The following EPS8 variants were observed in gnomAD, a reference collection of about 807,000 sequenced individuals.
The protein encoded by EPS8 is EGFR pathway substrate 8, signaling adaptor, also known as epidermal growth factor receptor kinase substrate 8.
EPS8 carries 42 observed loss-of-function variants against 103.8 expected under a neutral mutation model. The observed-to-expected ratio is 0.40, with a 90% CI of 0.32 to 0.52. The LOEUF (loss-of-function observed/expected upper bound fraction) is 0.52. Among genes scored for constraint, EPS8 ranks in the 20% least tolerant of loss-of-function variants. The pLI is 0.40. For synonymous variants in EPS8, 344 were observed against 344.6 expected (o/e 1.00, Z 0.02); for missense variants, 969 against 1,005.1 (o/e 0.96, Z 0.49).
At chr12:15,741,967 G>T (rs1361792811) in intron 1 of EPS8, among the ~76,000 whole-genome samples, 1 of 152,116 alleles carries the variant, frequency 6.6e-6, no homozygotes, top group Non-Finnish European at 1.5e-5. Flanking sequence ...TGCAGTGTTT[G>T]GTTTTCTGTC....
At chr12:15,635,235 A>G (rs958777468) in intron 17 of EPS8, among the ~76,000 whole-genome samples, 11 of 152,198 alleles carry the variant, frequency 7.2e-5, no homozygotes, top group African/African-American at 2.7e-4. Context: ...AATTATGTAC[A>G]TGTGCATGTC....
At chr12:15,763,771 G>C (rs148526637) in intron 1 of EPS8, among the ~76,000 whole-genome samples, 108 of 152,166 alleles carry the variant, frequency 7.1e-4, no homozygotes, top group African/African-American at 2.5e-3. Context: ...TTGTACTCTA[G>C]ACATCAAAAT....
rs1050054546 is a variant in EPS8 at position 15,667,547 on chromosome 12, A to T, written c.517-1025T>A. 6.4e-4 allele frequency among the ~76,000 whole-genome samples: 98 copies of T among 152,096 alleles called. 1 individual carries two copies. The highest frequency in any genetic ancestry group is 1.8e-4 in the Non-Finnish European group (12 of 68,004). Reference sequence around the variant, plus strand: ...GATATTTAATTAAAAATAATTATTTAAAAAAACCCAAAATGAAAACTGAAG... The same window carrying T: ...GATATTTAATTAAAAATAATTATTTTAAAAAACCCAAAATGAAAACTGAAG... On this transcript the variant is annotated intron_variant, in intron 6 of 20. Coordinates refer to ENST00000281172, the MANE Select transcript of EPS8 (RefSeq NM_004447.6).
In EPS8 at chr12:15,734,463, G is replaced by A. The variant is rs1451206585; in HGVS notation, c.-21-51491C>T. Among the ~76,000 whole-genome samples the A allele has an allele frequency of 6.6e-6, 1 of 152,134 alleles. No individual in the cohort carries two copies. Among genetic ancestry groups the A allele is most frequent in the Non-Finnish European group, 1.5e-5 (1 of 68,036 alleles). On this transcript the variant is annotated intron_variant, in intron 1 of 20. Transcript: ENST00000281172. The surrounding 1 kb of genome is among the most constrained non-coding windows in gnomAD (Gnocchi z 4.1). ...TAATCCCAGCACTTTGGGAGGCTGA[G>A]GCGGGTGGATCACGAGGTCAGGAGA... is the stretch of plus-strand genomic sequence containing the variant.
chr12:15,657,517 C>G (rs953554406), intron 12 of EPS8, among the ~76,000 whole-genome samples: 1 of 152,142 alleles, frequency 6.6e-6, no homozygotes, highest in African/African-American at 2.4e-5. Flanking sequence ...AATATAAGTT[C>G]TAAGAAGGTA....
chr12:15,672,546 C>T (rs899239608), intron 3 of EPS8: 1 of 397,130 alleles, frequency 2.5e-6, no homozygotes, highest in Non-Finnish European at 4.4e-6. Context: ...CTGGTTTCAC[C>T]TAAAATTTTC....
rs1299428751 is a variant in EPS8, at chr12:15,706,115, C to T, written c.-21-23143G>A. On this transcript the variant is annotated intron_variant, in intron 1 of 20. Transcript: ENST00000281172. The surrounding 1 kb of genome is among the most constrained non-coding windows in gnomAD (Gnocchi z 5.2). The stretch of plus-strand genomic sequence containing the variant: ...CCAGTCTTCTCCTCACCTAAGGTTA[C>T]TCTCTCTAATTCTGCAAACCAGTAT... Among the ~76,000 whole-genome samples, 1 of 152,142 alleles carries T rather than the reference C, an allele frequency of 6.6e-6. No individual in the cohort carries two copies. Among genetic ancestry groups the T allele is most frequent in the Non-Finnish European group, 1.5e-5 (1 of 68,038 alleles).
rs1468969449 is a variant in EPS8, at chr12:15,759,049, T to C, written c.-22+30112A>G. Among the ~76,000 whole-genome samples the C allele has an allele frequency of 2.6e-5, 4 of 152,156 alleles. No homozygotes were observed. The highest frequency in any genetic ancestry group is 4.4e-5 in the Non-Finnish European group (3 of 68,006). On this transcript the variant is annotated intron_variant, in intron 1 of 20. Coordinates refer to ENST00000281172, the MANE Select transcript of EPS8 (RefSeq NM_004447.6). The surrounding 1 kb of genome is among the most constrained non-coding windows in gnomAD (Gnocchi z 4.9). Reference sequence around the variant, plus strand: ...TTTTTAAAATTTTTTAATTAAAAGATGCAGGGGAATTAAACTTTCTCCCTT... The same window carrying C: ...TTTTTAAAATTTTTTAATTAAAAGACGCAGGGGAATTAAACTTTCTCCCTT...
intron 1 of EPS8, among the ~76,000 whole-genome samples, chr12:15,788,924 T>C (rs1232757679): frequency 6.6e-6 from 1 of 151,958 alleles, no homozygotes; most frequent in Non-Finnish European, 1.5e-5. Context: ...CCCGGAGCCC[T>C]GGGCGCGGGT....
In EPS8 at chr12:15,688,808, T is replaced by C. The variant is rs1455113727; in HGVS notation, c.-21-5836A>G. 6.6e-6 allele frequency among the ~76,000 whole-genome samples: 1 copy of C among 152,108 alleles called. No homozygotes were observed. The highest frequency in any genetic ancestry group is 1.5e-5 in the Non-Finnish European group (1 of 67,996). On this transcript the variant is annotated intron_variant, in intron 1 of 20. Transcript: ENST00000281172. The surrounding 1 kb of genome is among the most constrained non-coding windows in gnomAD (Gnocchi z 5.1). ...TAACCCCAGGATACAGAAAACCCCC[T>C]GTCCTTGCAATAAGGTAGAGGATCT...
rs1434195863 is a variant in EPS8, at chr12:15,760,715, T to C, written c.-22+28446A>G. Among the ~76,000 whole-genome samples the C allele has an allele frequency of 2.0e-5, 3 of 152,112 alleles. No homozygotes were observed. The highest frequency in any genetic ancestry group is 2.9e-5 in the Non-Finnish European group (2 of 67,952). On this transcript the variant is annotated intron_variant, in intron 1 of 20. Coordinates refer to ENST00000281172, the MANE Select transcript of EPS8 (RefSeq NM_004447.6). The surrounding 1 kb of genome is among the most constrained non-coding windows in gnomAD (Gnocchi z 4.5). ...GACAAAAACCATATAATCATATCAA[T>C]TGATGCCAAAAATGCATTTGATTAA... is the stretch of plus-strand genomic sequence containing the variant.
intron 1 of EPS8, among the ~76,000 whole-genome samples, chr12:15,744,143 C>T (rs957335449): frequency 6.6e-6 from 1 of 152,112 alleles, no homozygotes; most frequent in African/African-American, 2.4e-5. Flanking sequence ...TTTATGCAGC[C>T]AACAGACACA....
rs756037242 is a variant in EPS8 at position 15,631,444 on chromosome 12, T to C, written c.2042A>G (p.Asp681Gly). The C allele has an allele frequency of 1.2e-6, 2 of 1,613,898 alleles. No homozygotes were observed. Among genetic ancestry groups the C allele is most frequent in the African/African-American group, 1.3e-5 (1 of 74,898 alleles). The change falls in exon 18 of 21, where the codon GAC becomes GGC. Residue 681 changes from aspartate to glycine, a missense_variant and splice_region_variant. Coordinates refer to ENST00000281172, the MANE Select transcript of EPS8 (RefSeq NM_004447.6). ...TTTTGCCTCCCTGGGAAACTTACGGTCCACCGGAAGTTGTTTGTGTCTCTG... is the reference window on the plus strand; with the variant it reads ...TTTTGCCTCCCTGGGAAACTTACGGCCCACCGGAAGTTGTTTGTGTCTCTG... The part of the protein sequence containing the change: ...DSQRHKQLPV[D>G]RRKSQMEEVQ...
chr12:15,773,851 T>C (rs1947180126), intron 1 of EPS8, among the ~76,000 whole-genome samples: 2 of 152,294 alleles, frequency 1.3e-5, no homozygotes, highest in East Asian at 3.9e-4. Flanking sequence ...GTAATTCACA[T>C]TGGTAACTAT....
intron 14 of EPS8, 145 bp from the exon 15 acceptor site, chr12:15,647,405 G>A: frequency 1.5e-6 from 1 of 654,840 alleles, no homozygotes; most frequent in Non-Finnish European, 2.4e-6. Flanking sequence ...TTATCAAATG[G>A]GAGTGACACA....
In EPS8 at chr12:15,778,407, C is replaced by A. The variant is rs1483934412; in HGVS notation, c.-22+10754G>T. 6.6e-6 allele frequency among the ~76,000 whole-genome samples: 1 copy of A among 152,114 alleles called. No homozygotes were observed. Among genetic ancestry groups the A allele is most frequent in the Admixed American group, 6.6e-5 (1 of 15,266 alleles). ...TTAAATTATTCAGAATCTAACAAGG[C>A]CCCACAAAGGAGCTAAATAAAAGAA... On this transcript the variant is annotated intron_variant, in intron 1 of 20. Transcript: ENST00000281172. This position sits in a 1 kb window ranked among gnomAD's most constrained non-coding sequence, Gnocchi z 4.5.
At chr12:15,699,830 TCTCAATTC>T (rs1946289512) in intron 1 of EPS8, among the ~76,000 whole-genome samples, 1 of 152,244 alleles carries the variant, frequency 6.6e-6, no homozygotes, top group African/African-American at 2.4e-5. Context: ...TCTAGCAATT[TCTCAATTC>T]CTCAATTCCC....
Position 15,650,847 on chromosome 12 carries a change from C to G in EPS8, c.1410G>C (p.Gln470His), listed in dbSNP as rs1471079858. 1 of 1,612,576 alleles carries G rather than the reference C, an allele frequency of 6.2e-7. No individual in the cohort carries two copies. Among genetic ancestry groups the G allele is most frequent in the Admixed American group, 1.7e-5 (1 of 59,948 alleles). Residue 470 changes from glutamine (Q) to histidine (H), a missense_variant, in exon 14 of 21, where the codon CAG becomes CAC. Physicochemically the swap from Gln to His is conservative, Grantham distance 24 (BLOSUM62 0). Transcript: ENST00000281172. The part of the protein sequence containing the change: ...VANVAEHQRK[Q>H]EIKRLSTEHS... ...CCTCTGTGGATAATCTTTTTATTTC[C>G]TGTTTGCGCTGATGTTCTGCTACAT... is the stretch of plus-strand genomic sequence containing the variant.
rs1947036748 is a variant in EPS8 at position 15,761,085 on chromosome 12, T to C, written c.-22+28076A>G. Among the ~76,000 whole-genome samples, 1 of 151,914 alleles carries C rather than the reference T, an allele frequency of 6.6e-6. No homozygotes were observed. The highest frequency in any genetic ancestry group is 2.4e-5 in the African/African-American group (1 of 41,390). The stretch of plus-strand genomic sequence containing the variant: ...TCAAAAACTATTAAAACTGATAAAT[T>C]CATTAAAGTTGCAGTATATATAATC... On this transcript the variant is annotated intron_variant, in intron 1 of 20. Coordinates refer to ENST00000281172, the MANE Select transcript of EPS8 (RefSeq NM_004447.6). The surrounding 1 kb of genome is among the most constrained non-coding windows in gnomAD (Gnocchi z 4.5).
Sources: gnomAD v4.1 joint callset for allele counts (sites outside exome capture counted in the v4.1 genomes callset) on GRCh38, gnomAD v4.1.1 for gene constraint, Gnocchi (gnomAD v3.1) non-coding constraint, MANE v1.5 for transcripts, NCBI Gene and HGNC (gene_info 2026-07-23, HGNC 2026-07-21) for gene names.